The following ATXN1 variants were observed in gnomAD, a reference collection of about 807,000 sequenced individuals.
ATXN1 encodes the protein ataxin-1.
In ATXN1, 8 loss-of-function variants were observed where a neutral mutation model predicts 56.4. The ratio of observed to expected loss-of-function variants is 0.14; its 90% confidence interval spans 0.08 to 0.26. The LOEUF (loss-of-function observed/expected upper bound fraction) is 0.26, where lower values mean the gene tolerates loss of function less well. ATXN1 is among the 10% of genes least tolerant of loss of function. ATXN1 has a pLI of 1.00. For missense variants in ATXN1, 987 were observed against 1,106.5 expected, an observed-to-expected ratio of 0.89 and a Z score of 1.53; for synonymous variants, 514 against 494.6, an observed-to-expected ratio of 1.04 and a Z score of -0.52.
At position 16,611,257 on chromosome 6, in the gene ATXN1, G is replaced by A. The variant is rs150179986; in HGVS notation, c.-488-25350C>T. ...TTAATCTTATCTTATACAGGGAGGA[G>A]GTATGGTCAGCCAGCTTCCTCACTT... On this transcript the variant is annotated intron_variant, in intron 3 of 7. Transcript: ENST00000436367. 4.1e-4 allele frequency among the ~76,000 whole-genome samples: 62 copies of A among 152,216 alleles called. No homozygotes were observed. The South Asian group carries it at 8.3e-3, about 20-fold the overall frequency.
At chr6:16,348,039 C>T (rs1254141763) in intron 6 of ATXN1, among the ~76,000 whole-genome samples, 2 of 152,180 alleles carry the variant, frequency 1.3e-5, no homozygotes, top group African/African-American at 2.4e-5. Context: ...AGACATGCCG[C>T]TTTAAGAACT....
At chr6:16,700,797 G>C (rs541851615) in intron 2 of ATXN1, among the ~76,000 whole-genome samples, 1 of 152,092 alleles carries the variant, frequency 6.6e-6, no homozygotes, top group Non-Finnish European at 1.5e-5. Context: ...GTAAGCAGAC[G>C]TGCTGCTTTT....
chr6:16,572,755 T>C (rs184634353), intron 4 of ATXN1, among the ~76,000 whole-genome samples: 130 of 152,334 alleles, frequency 8.5e-4, no homozygotes, highest in Middle Eastern at 3.4e-3. Flanking sequence ...AAAGACATGG[T>C]ACCTGAAGAT....
chr6:16,421,674 C>T (rs1465221510), intron 6 of ATXN1, among the ~76,000 whole-genome samples: 2 of 151,810 alleles, frequency 1.3e-5, no homozygotes, highest in Admixed American at 1.3e-4. Context: ...CGTGAGTGTG[C>T]ATGCATACAT....
In ATXN1 at chr6:16,326,903, G is replaced by C; in HGVS notation, c.1408C>G (p.Gln470Glu). 2 of 1,613,088 alleles carry C rather than the reference G, an allele frequency of 1.2e-6. No homozygotes were observed. The highest frequency in any genetic ancestry group is 1.7e-6 in the Non-Finnish European group (2 of 1,179,348). The change falls in exon 7 of 8, where the codon CAA (glutamine) becomes GAA (glutamate). Residue 470 changes from glutamine to glutamate, a missense_variant. By Grantham distance (29) the Gln-to-Glu change is conservative (BLOSUM62 2). This residue lies in a region of ATXN1 where 723 missense variants were observed against 791.7 expected (regional missense o/e 0.91). Transcript: ENST00000436367. The surrounding 1 kb of genome is among the most constrained non-coding windows in gnomAD (Gnocchi z 6.6). Reference sequence around the variant, plus strand: ...AGGCTGCCGGCGTAGGTGATTGCTTGCTGCTGGCCGCTCAGGTAGCCGATG... The same window carrying C: ...AGGCTGCCGGCGTAGGTGATTGCTTCCTGCTGGCCGCTCAGGTAGCCGATG... ...PVIGYLSGQQ[Q>E]AITYAGSLPQ... is the part of the protein sequence containing the mutation.
intron 6 of ATXN1, among the ~76,000 whole-genome samples, chr6:16,469,138 T>A (rs1760167375): frequency 2.6e-5 from 4 of 152,212 alleles, no homozygotes; most frequent in Admixed American, 2.6e-4. Flanking sequence ...GTGAAATGAA[T>A]GAATGAATGC....
chr6:16,491,279 T>TATTA (rs58862118), intron 5 of ATXN1, among the ~76,000 whole-genome samples: 132 of 108,512 alleles, frequency 1.2e-3, no homozygotes, highest in Non-Finnish European at 1.5e-3. Context: ...TTATTATTAT[T>TATTA]TTTTTTTTTT....
intron 3 of ATXN1, among the ~76,000 whole-genome samples, chr6:16,650,821 C>T (rs753320880): frequency 2.5e-4 from 38 of 152,184 alleles, no homozygotes; most frequent in Admixed American, 3.3e-4. Context: ...TTCTGTCCGT[C>T]GTTTTCCTTT....
intron 6 of ATXN1, among the ~76,000 whole-genome samples, chr6:16,388,722 A>T (rs1418408126): frequency 6.6e-6 from 1 of 152,178 alleles, no homozygotes; most frequent in Non-Finnish European, 1.5e-5. Flanking sequence ...GTGGAATGCT[A>T]TGTGACCTTT....
intron 3 of ATXN1, among the ~76,000 whole-genome samples, chr6:16,611,273 T>C (rs1035812083): frequency 3.3e-5 from 5 of 152,188 alleles, no homozygotes; most frequent in African/African-American, 1.2e-4. Flanking sequence ...GTCAGCCAGC[T>C]TCCTCACTTT....
At chr6:16,588,688 C>T (rs2113768140) in intron 3 of ATXN1, among the ~76,000 whole-genome samples, 1 of 152,264 alleles carries the variant, frequency 6.6e-6, no homozygotes, top group Middle Eastern at 3.4e-3. Flanking sequence ...AGAACTGTGT[C>T]CACTCTCACC....
rs1760123530 is a variant in ATXN1 at position 16,302,238 on chromosome 6, GGT to G, written c.*4089_*4090del. ...ACACCTGCCCCGTCCCTGAGAAAGA[GGT>G]GTGAAAGGTTCCGCAGAGTCCCTTT... is the stretch of plus-strand genomic sequence containing the variant. On this transcript the variant is annotated 3_prime_UTR_variant, in exon 8 of 8. Transcript: ENST00000436367. 6.6e-6 allele frequency: 1 copy of G among 152,442 alleles called. No homozygotes were observed. The highest frequency in any genetic ancestry group is 2.4e-5 in the African/African-American group (1 of 41,444). 9.4% of individuals were successfully genotyped at this position (152,442 alleles called of 1,614,324 possible).
chr6:16,525,833 T>C (rs996010135), intron 4 of ATXN1, among the ~76,000 whole-genome samples: 2 of 151,376 alleles, frequency 1.3e-5, no homozygotes, highest in African/African-American at 4.9e-5. Context: ...ATTACAGGAC[T>C]ATGCAGTCAA....
chr6:16,322,860 C>T (rs551283777), intron 7 of ATXN1, among the ~76,000 whole-genome samples: 121 of 152,316 alleles, frequency 7.9e-4, no homozygotes, highest in Middle Eastern at 3.4e-3. Flanking sequence ...ATAGGCTCCT[C>T]GGTAAAGTGA....
chr6:16,749,574 C>G (rs1263842596), intron 2 of ATXN1, among the ~76,000 whole-genome samples: 3 of 152,076 alleles, frequency 2.0e-5, no homozygotes, highest in African/African-American at 7.2e-5. Context: ...TCCAAGGTGC[C>G]TGAGCTGCAG....
At chr6:16,440,689 A>G (rs1759500058) in intron 6 of ATXN1, among the ~76,000 whole-genome samples, 1 of 151,600 alleles carries the variant, frequency 6.6e-6, no homozygotes, top group Non-Finnish European at 1.5e-5. Flanking sequence ...GAATTCAGGG[A>G]AGATGATGGC....
intron 5 of ATXN1, among the ~76,000 whole-genome samples, chr6:16,489,774 C>T (rs562533987): frequency 7.2e-5 from 11 of 152,166 alleles, no homozygotes; most frequent in African/African-American, 2.4e-4. Flanking sequence ...ACTATGATCA[C>T]GCCACTGTAC....
Position 16,695,220 on chromosome 6 carries a change from C to T in ATXN1, c.-614-37319G>A, listed in dbSNP as rs374699453. ...ACACTGTTTCTCTGAGAAACTTAGACTTACAATCTTTCTGAAAAGGATACA... is the reference window on the plus strand; with the variant it reads ...ACACTGTTTCTCTGAGAAACTTAGATTTACAATCTTTCTGAAAAGGATACA... On this transcript the variant is annotated intron_variant, in intron 2 of 7. Transcript: ENST00000436367. Among the ~76,000 whole-genome samples, 3 of 152,270 alleles carry T rather than the reference C, an allele frequency of 2.0e-5. No individual in the cohort carries two copies. In the East Asian group the frequency reaches 5.8e-4, roughly 29 times the overall value.
rs1760222553 is a variant in ATXN1, at chr6:16,305,600, A to T, written c.*729T>A. ...CATCGCTGCACTAGTAAAAAGCAGA[A>T]ATGAAATCCCGCATGTGGCAGTTGC... On this transcript the variant is annotated 3_prime_UTR_variant, in exon 8 of 8. Transcript: ENST00000436367. The T allele has an allele frequency of 1.3e-5, 2 of 152,710 alleles. No homozygotes were observed. Among genetic ancestry groups the T allele is most frequent in the Admixed American group, 1.3e-4 (2 of 15,292 alleles). The allele number at this position is 152,710 out of a possible 1,614,324, so 9.5% of individuals were successfully genotyped here.
Sources: gnomAD v4.1 joint callset for allele counts (sites outside exome capture counted in the v4.1 genomes callset) on GRCh38, gnomAD v4.1.1 for gene constraint, gnomAD v4.1.1 regional missense constraint, Gnocchi (gnomAD v3.1) non-coding constraint, MANE v1.5 for transcripts, NCBI Gene and HGNC (gene_info 2026-07-23, HGNC 2026-07-21) for gene names.